Variants in CFAP70 observed in about 807,000 individuals in gnomAD.
The protein encoded by CFAP70 is cilia- and flagella-associated protein 70.
CFAP70 carries 81 observed loss-of-function variants against 137.6 expected under a neutral mutation model. That is an observed-to-expected ratio of 0.59 (90% CI 0.49 to 0.71). The LOEUF (loss-of-function observed/expected upper bound fraction) is 0.71. CFAP70 is among the 30% of genes least tolerant of loss of function. CFAP70 has a pLI of 0.00. For synonymous variants in CFAP70, 382 were observed against 423.6 expected (o/e 0.90, Z 1.20); for missense variants, 976 against 1,226.7 (o/e 0.80, Z 3.05).
upstream of CFAP70, among the ~76,000 whole-genome samples, chr10:73,361,787 T>C (rs1485550679): frequency 6.6e-6 from 1 of 152,112 alleles, no homozygotes; most frequent in Non-Finnish European, 1.5e-5. Flanking sequence ...AATAATACAA[T>C]CAAATGTATT....
intron 1 of CFAP70, among the ~76,000 whole-genome samples, chr10:73,358,000 G>GGA (rs2054798839): frequency 6.6e-6 from 1 of 152,196 alleles, no homozygotes; most frequent in Non-Finnish European, 1.5e-5. Context: ...GTGCCCCTAG[G>GGA]CAAATGCCTA....
At chr10:73,274,770 A>G in intron 22 of CFAP70, 176 bp from the exon 24 acceptor site, 1 of 609,016 alleles carries the variant, frequency 1.6e-6, no homozygotes, top group Non-Finnish European at 2.7e-6. Context: ...TTAATTGTAC[A>G]AGGAGACATT....
chr10:73,338,798 T>C (rs934809438), intron 6 of CFAP70, among the ~76,000 whole-genome samples: 12 of 151,964 alleles, frequency 7.9e-5, no homozygotes, highest in African/African-American at 2.9e-4. Context: ...CCCACAAATA[T>C]GGAGGGCCAA....
At chr10:73,357,377 G>A in intron 1 of CFAP70, among the ~76,000 whole-genome samples, 1 of 152,304 alleles carries the variant, frequency 6.6e-6, no homozygotes, top group Non-Finnish European at 1.5e-5. Flanking sequence ...GAGGAAGTAC[G>A]CTGGAACTAT....
intron 19 of CFAP70, among the ~76,000 whole-genome samples, chr10:73,288,678 C>T (rs917128236): frequency 6.6e-6 from 1 of 152,158 alleles, no homozygotes. Flanking sequence ...CTGGCTCTTC[C>T]CACCACTTCT....
chr10:73,290,446 G>A (rs1203459218), intron 19 of CFAP70, among the ~76,000 whole-genome samples: 1 of 152,160 alleles, frequency 6.6e-6, no homozygotes, highest in East Asian at 1.9e-4. Flanking sequence ...AAATTTTAGG[G>A]ACAATGAATA....
chr10:73,298,763 C>T, intron 14 of CFAP70, 144 bp downstream of exon 15: 1 of 643,970 alleles, frequency 1.6e-6, no homozygotes, highest in South Asian at 2.1e-5. Context: ...TCCTGACACT[C>T]TATCATAGAG....
chr10:73,266,212 G>A (rs576164875), intron 25 of CFAP70, among the ~76,000 whole-genome samples: 169 of 152,060 alleles, frequency 1.1e-3, no homozygotes, highest in South Asian at 0.011. Context: ...ACTTCTTTGC[G>A]TTAATCTTCA....
intron 19 of CFAP70, among the ~76,000 whole-genome samples, chr10:73,283,201 A>C (rs1208508181): frequency 2.0e-5 from 3 of 152,182 alleles, no homozygotes; most frequent in Non-Finnish European, 4.4e-5. Context: ...GTCTGAGATC[A>C]TACATTGTAT....
upstream of CFAP70, among the ~76,000 whole-genome samples, chr10:73,362,663 T>C (rs535725307): frequency 2.0e-5 from 3 of 152,262 alleles, no homozygotes; most frequent in East Asian, 5.8e-4. Flanking sequence ...CTTCTAGCAG[T>C]TTTTTGGTGG....
intron 5 of CFAP70, 145 bp from the exon 7 acceptor site, chr10:73,341,726 G>A (rs1338965073): frequency 8.8e-6 from 6 of 679,194 alleles, no homozygotes; most frequent in African/African-American, 1.8e-5. Flanking sequence ...AGAGGGGCCT[G>A]TGCCCTTCAT....
intron 12 of CFAP70, among the ~76,000 whole-genome samples, chr10:73,308,689 G>C (rs1000702639): frequency 2.1e-5 from 3 of 143,154 alleles, no homozygotes; most frequent in Non-Finnish European, 1.5e-5. Flanking sequence ...CAAGGAAATA[G>C]AACTAAAACC....
chr10:73,281,836 T>C (rs2047278913), intron 19 of CFAP70, among the ~76,000 whole-genome samples: 2 of 152,188 alleles, frequency 1.3e-5, no homozygotes, highest in Non-Finnish European at 2.9e-5. Flanking sequence ...ATCATGTCTT[T>C]TGCAGCAACA....
intron 4 of CFAP70, chr10:73,347,014 C>A (rs1016517326): frequency 9.9e-5 from 15 of 152,172 alleles, no homozygotes; most frequent in Admixed American, 6.6e-5. Flanking sequence ...TCTATTCTTT[C>A]CCCACTTCTC....
intron 1 of CFAP70, among the ~76,000 whole-genome samples, chr10:73,357,774 T>C (rs1035685447): frequency 3.3e-5 from 5 of 152,236 alleles, no homozygotes. Flanking sequence ...CCTGGAATTA[T>C]CTCTCCCTTT....
chr10:73,348,066 ATTACACTCAACT>A, intron 4 of CFAP70, 78 bp downstream of exon 5: 1 of 1,181,020 alleles, frequency 8.5e-7, no homozygotes. Flanking sequence ...TGCCCAATGC[ATTACACTCAACT>A]GAATTGAACC....
intron 8 of CFAP70, among the ~76,000 whole-genome samples, chr10:73,325,290 A>G (rs7097240): frequency 0.1 from 15,567 of 152,014 alleles, 1,128 homozygotes; most frequent in East Asian, 0.3. Context: ...AAATGCTGAG[A>G]GATTTTGTCA....
At chr10:73,353,464 T>C (rs112880526) in intron 3 of CFAP70, 92 bp downstream of exon 3, 2 of 1,170,556 alleles carry the variant, frequency 1.7e-6, no homozygotes, top group African/African-American at 1.5e-5. Context: ...TAGTTACATG[T>C]TTAAAAGAAT....
rs147320843 is a variant in CFAP70, at chr10:73,332,253, G to C, written c.678-977C>G. ...AACTCCAGGGGGCCCACTGTTAAGG[G>C]TCCCCACACTTACATAAGTTTTAAA... On this transcript the variant is annotated intron_variant, in intron 7 of 26. Transcript: ENST00000310715. 1.9e-4 allele frequency among the ~76,000 whole-genome samples: 29 copies of C among 152,202 alleles called. No individual in the cohort carries two copies. In the East Asian group the frequency reaches 5.6e-3, roughly 29 times the overall value.
Sources: gnomAD v4.1 joint callset for allele counts (sites outside exome capture counted in the v4.1 genomes callset) on GRCh38, gnomAD v4.1.1 for gene constraint, MANE v1.5 for transcripts, NCBI Gene and HGNC (gene_info 2026-07-23, HGNC 2026-07-21) for gene names.